Variants in MACROD1 observed in about 807,000 individuals in gnomAD.
MACROD1 encodes mono-ADP ribosylhydrolase 1.
In MACROD1, 31 loss-of-function variants were observed where a neutral mutation model predicts 41.4. The ratio of observed to expected loss-of-function variants is 0.75; its 90% CI spans 0.56 to 1.01. The LOEUF is 1.01. MACROD1 is among the 50% of genes least tolerant of loss of function. MACROD1 has a pLI of 0.00. For synonymous variants in MACROD1, 252 were observed against 203.4 expected (o/e 1.24, Z -2.03); for missense variants, 473 against 460.0 (o/e 1.03, Z -0.26).
At chr11:64,043,860 G>A (rs1943535172) in intron 3 of MACROD1, among the ~76,000 whole-genome samples, 1 of 150,106 alleles carries the variant, frequency 6.7e-6, no homozygotes, top group Admixed American at 6.6e-5. Flanking sequence ...TGCCCAGACT[G>A]GAGTGCGATG....
At chr11:64,004,315 G>A (rs1238294822) in intron 4 of MACROD1, among the ~76,000 whole-genome samples, 1 of 152,262 alleles carries the variant, frequency 6.6e-6, no homozygotes, top group Admixed American at 6.5e-5. Context: ...AGAGGCGGAA[G>A]GCAGGCAGGC....
At chr11:64,108,350 C>G (rs1944800750) in intron 3 of MACROD1, among the ~76,000 whole-genome samples, 1 of 152,042 alleles carries the variant, frequency 6.6e-6, no homozygotes, top group African/African-American at 2.4e-5. Flanking sequence ...CCAGGGCCAC[C>G]CCACAGTAGG....
chr11:64,033,992 T>G (rs1057175234), intron 3 of MACROD1, among the ~76,000 whole-genome samples: 1 of 152,180 alleles, frequency 6.6e-6, no homozygotes, highest in Non-Finnish European at 1.5e-5. Context: ...GATATCTAAG[T>G]GTGACATGTC....
intron 3 of MACROD1, among the ~76,000 whole-genome samples, chr11:64,023,010 T>C (rs1943178396): frequency 6.6e-6 from 1 of 151,916 alleles, no homozygotes; most frequent in Non-Finnish European, 1.5e-5. Context: ...TACAGGCATG[T>C]GCCACCACGC....
chr11:64,157,721 G>A (rs1055273311), intron 1 of MACROD1, among the ~76,000 whole-genome samples: 4 of 152,150 alleles, frequency 2.6e-5, no homozygotes, highest in Non-Finnish European at 5.9e-5. Flanking sequence ...TTTAAGAAGT[G>A]TCTTTATGGC....
At chr11:64,039,293 G>GC (rs1159588533) in intron 3 of MACROD1, among the ~76,000 whole-genome samples, 2 of 152,126 alleles carry the variant, frequency 1.3e-5, no homozygotes, top group Non-Finnish European at 2.9e-5. Flanking sequence ...GGTGGGGACT[G>GC]CCCCGGGGGT....
rs79720109 is a variant in MACROD1, at chr11:64,151,480, C to T, written c.401-125G>A. Reference sequence around the variant, plus strand: ...CCACCTCCAGGGGCAGCCTGCAGCACGATGACTGCTGACCCAGTACCAGGA... The same window carrying T: ...CCACCTCCAGGGGCAGCCTGCAGCATGATGACTGCTGACCCAGTACCAGGA... On this transcript the variant is annotated intron_variant, in intron 2 of 10. Transcript: ENST00000255681. 848 of 681,254 alleles carry T rather than the reference C, an allele frequency of 1.2e-3. 3 individuals carry two copies. The African/African-American group carries it at 0.013, about 10-fold the overall frequency. The allele number at this position is 681,254 out of a possible 1,614,324, so 42.2% of individuals were successfully genotyped here. A position where few individuals can be genotyped will look rare whatever the true frequency, so the allele number is the denominator to read the frequency against.
At chr11:64,045,240 G>A (rs908229005) in intron 3 of MACROD1, among the ~76,000 whole-genome samples, 3 of 152,216 alleles carry the variant, frequency 2.0e-5, no homozygotes, top group South Asian at 2.1e-4. Flanking sequence ...GGTGGTGGGC[G>A]AAGGGGCCCG....
intron 4 of MACROD1, chr11:64,009,162 A>ACGGG (rs1327273698): frequency 4.6e-5 from 7 of 152,252 alleles, no homozygotes; most frequent in Admixed American, 6.5e-5. Flanking sequence ...CAGGAGAGAC[A>ACGGG]CGGGCGTCAG....
At chr11:64,045,102 T>C (rs747592749) in intron 3 of MACROD1, among the ~76,000 whole-genome samples, 1 of 152,002 alleles carries the variant, frequency 6.6e-6, no homozygotes, top group African/African-American at 2.4e-5. Flanking sequence ...TCCGGGTGCA[T>C]GTGGTGGGTG....
At chr11:64,137,847 C>G (rs1392979955) in intron 3 of MACROD1, among the ~76,000 whole-genome samples, 1 of 152,202 alleles carries the variant, frequency 6.6e-6, no homozygotes, top group Non-Finnish European at 1.5e-5. Flanking sequence ...AGGAGATACC[C>G]AGCTCAGCAT....
chr11:64,002,337 G>A (rs1942840097), intron 4 of MACROD1, among the ~76,000 whole-genome samples: 1 of 152,216 alleles, frequency 6.6e-6, no homozygotes, highest in South Asian at 2.1e-4. Flanking sequence ...AATGTTTCCT[G>A]CGGAAGTGGA....
chr11:64,119,798 A>T (rs904125060), intron 3 of MACROD1, among the ~76,000 whole-genome samples: 1 of 152,166 alleles, frequency 6.6e-6, no homozygotes, highest in African/African-American at 2.4e-5. Flanking sequence ...GCTATCATGC[A>T]TTTATCAACT....
At chr11:64,023,291 T>C (rs1943181573) in intron 3 of MACROD1, among the ~76,000 whole-genome samples, 1 of 152,070 alleles carries the variant, frequency 6.6e-6, no homozygotes, top group Non-Finnish European at 1.5e-5. Context: ...CCAACAGTCT[T>C]ATGCTTTGCC....
At chr11:64,098,418 C>T (rs1020744281) in intron 3 of MACROD1, among the ~76,000 whole-genome samples, 2 of 152,234 alleles carry the variant, frequency 1.3e-5, no homozygotes, top group Non-Finnish European at 1.5e-5. Flanking sequence ...CCACTCCCAA[C>T]ATGCTGAGCC....
At chr11:64,136,709 C>T (rs1945338035) in intron 3 of MACROD1, among the ~76,000 whole-genome samples, 1 of 152,230 alleles carries the variant, frequency 6.6e-6, no homozygotes. Flanking sequence ...CCAGGAGCCC[C>T]AGGCCCGGAA....
intron 3 of MACROD1, among the ~76,000 whole-genome samples, chr11:64,106,747 A>G (rs1944769175): frequency 6.6e-6 from 1 of 152,210 alleles, no homozygotes; most frequent in Non-Finnish European, 1.5e-5. Context: ...CAGAGCCCGC[A>G]GCCTCAGTCC....
intron 3 of MACROD1, among the ~76,000 whole-genome samples, chr11:64,030,545 G>A (rs1590814729): frequency 6.6e-6 from 1 of 152,154 alleles, no homozygotes; most frequent in African/African-American, 2.4e-5. Context: ...ACAGGTGCCT[G>A]TGATTCTAAG....
rs559763988 is a variant in MACROD1, at chr11:64,159,570, G to A, written c.298+6127C>T. On this transcript the variant is annotated intron_variant, in intron 1 of 10. Transcript: ENST00000255681. ...AGCACTTCAGGAGGCCAAGGCGGGC[G>A]GATCACCTGAGGTCAGGAGTTTGAG... Among the ~76,000 whole-genome samples, 231 of 151,984 alleles carry A rather than the reference G, an allele frequency of 1.5e-3. 1 individual carries two copies. Among genetic ancestry groups the A allele is most frequent in the Non-Finnish European group, 2.2e-3 (149 of 67,970 alleles).
Sources: allele counts gnomAD v4.1 joint callset (sites outside exome capture counted in the v4.1 genomes callset), GRCh38; gene constraint gnomAD v4.1.1; transcripts MANE v1.5; gene names NCBI Gene and HGNC (gene_info 2026-07-23, HGNC 2026-07-21).